Variants in NCOR2 observed in about 807,000 individuals in gnomAD.
The protein encoded by NCOR2 is CTG repeat protein 26.
Under a neutral mutation model 262.9 loss-of-function variants are expected in NCOR2, and 81 were observed. That is an observed-to-expected ratio of 0.31 (90% CI 0.26 to 0.37). The LOEUF is 0.37. NCOR2 is among the 10% of genes least tolerant of loss of function. NCOR2 has a pLI of 1.00. For synonymous variants in NCOR2, 1,659 were observed against 1,559.3 expected (o/e 1.06, Z -1.51); for missense variants, 3,385 against 3,621.4 (o/e 0.93, Z 1.68).
intron 40 of NCOR2, 38 bp from the exon 43 acceptor site, chr12:124,334,655 T>C: frequency 1.0e-6 from 1 of 994,518 alleles, no homozygotes; most frequent in Non-Finnish European, 1.3e-6. Context: ...CAGGCAGCAC[T>C]CTCCTGACAG....
At chr12:124,497,982 G>A (rs945500520), upstream of NCOR2, among the ~76,000 whole-genome samples, 2 of 152,110 alleles carry the variant, frequency 1.3e-5, no homozygotes, top group Admixed American at 6.5e-5. The surrounding 1 kb of genome is among the most constrained non-coding windows in gnomAD (Gnocchi z 4.2). Context: ...GCTAGAGCTC[G>A]GCTCAAAGTC....
chr12:124,433,458 T>C (rs2044099542), intron 8 of NCOR2, among the ~76,000 whole-genome samples: 1 of 152,122 alleles, frequency 6.6e-6, no homozygotes, highest in Admixed American at 6.5e-5. Flanking sequence ...CCTCAGCCTG[T>C]CCACATTGCC....
intron 41 of NCOR2, among the ~76,000 whole-genome samples, chr12:124,333,899 C>CATGTGTGCGGGTGTGCGTGTGTGT (rs1292064497): frequency 1.1e-5 from 1 of 90,720 alleles, no homozygotes; most frequent in Non-Finnish European, 2.5e-5. Context: ...TGTGTGTGCG[C>CATGTGTGCGGGTGTGCGTGTGTGT]GCGCATGTGT....
intron 7 of NCOR2, among the ~76,000 whole-genome samples, chr12:124,441,616 C>G (rs1206794699): frequency 6.6e-6 from 1 of 152,232 alleles, no homozygotes; most frequent in African/African-American, 2.4e-5. Context: ...GAAATTTGCA[C>G]AGTCTCAAAG....
At chr12:124,408,898 C>T (rs899874819) in intron 13 of NCOR2, among the ~76,000 whole-genome samples, 1 of 152,176 alleles carries the variant, frequency 6.6e-6, no homozygotes, top group Non-Finnish European at 1.5e-5. Context: ...AGGGTGAGAA[C>T]AGGATAAGAC....
intron 21 of NCOR2, 35 bp downstream of exon 23, chr12:124,363,644 G>A (rs200800757): frequency 7.8e-5 from 104 of 1,338,952 alleles, no homozygotes; most frequent in Admixed American, 5.1e-4. Context: ...CAAGGTCAGG[G>A]TGGACTCTGT....
At chr12:124,372,403 G>A in exon 20 of NCOR2, 1 of 1,497,892 alleles carries the variant, frequency 6.7e-7, no homozygotes, top group East Asian at 2.3e-5. Flanking sequence ...GGGTGCTGGT[G>A]GGGGCGTAGG....
chr12:124,338,378 C>G (rs1191450961), intron 37 of NCOR2, among the ~76,000 whole-genome samples: 6 of 151,954 alleles, frequency 3.9e-5, no homozygotes, highest in Admixed American at 1.3e-4. Context: ...TGTGGTTGCA[C>G]GTGCCTGTAA....
chr12:124,460,184 A>G (rs559625005), intron 5 of NCOR2, among the ~76,000 whole-genome samples: 1 of 152,290 alleles, frequency 6.6e-6, no homozygotes, highest in African/African-American at 2.4e-5. Context: ...CTCCATGAGG[A>G]GCAAGGTGCC....
At position 124,486,422 on chromosome 12, in the gene NCOR2, G is replaced by A; in HGVS notation, c.233+19C>T. On this transcript the variant is annotated intron_variant, in intron 2 of 46. Transcript: ENST00000405201. ...GAGCTCTCACGCCCTGGACAGGGAGGCAGCAACTCTCTCCTCACCGTTCAT... is the reference window on the plus strand; with the variant it reads ...GAGCTCTCACGCCCTGGACAGGGAGACAGCAACTCTCTCCTCACCGTTCAT... 1 of 1,611,818 alleles carries A rather than the reference G, an allele frequency of 6.2e-7. No individual in the cohort carries two copies. Among genetic ancestry groups the A allele is most frequent in the Non-Finnish European group, 8.5e-7 (1 of 1,179,338 alleles).
At chr12:124,373,617 G>C (rs2950603) in intron 19 of NCOR2, among the ~76,000 whole-genome samples, 1 of 84,758 alleles carries the variant, frequency 1.2e-5, no homozygotes. Flanking sequence ...GGCACAGTGG[G>C]CAGTGAGGCC....
chr12:124,524,465 C>T (rs936844235), intron 1 of NCOR2, among the ~76,000 whole-genome samples: 1 of 152,222 alleles, frequency 6.6e-6, no homozygotes. Context: ...TGCCAGGTGA[C>T]TCTCCTTCTC....
chr12:124,391,088 G>A (rs1201636457), intron 16 of NCOR2, among the ~76,000 whole-genome samples: 4 of 152,244 alleles, frequency 2.6e-5, no homozygotes, highest in East Asian at 1.9e-4. Context: ...CGGCTCAGGT[G>A]CTCTGGCCCT....
chr12:124,531,390 G>C lies in NCOR2; in HGVS notation c.-118+4175C>G, dbSNP rs965326098. Among the ~76,000 whole-genome samples the C allele has an allele frequency of 6.6e-6, 1 of 152,288 alleles. No individual in the cohort carries two copies. Among genetic ancestry groups the C allele is most frequent in the Admixed American group, 6.5e-5 (1 of 15,306 alleles). On this transcript the variant is annotated intron_variant, in intron 1 of 46. Transcript: ENST00000404621. This position sits in a 1 kb window ranked among gnomAD's most constrained non-coding sequence, Gnocchi z 4.5. Reference sequence around the variant, plus strand: ...CATCCCCCGGGCCCGATTAGCGGGCGGCCGCAGGCAGACACGCTCAACTGT... The same window carrying C: ...CATCCCCCGGGCCCGATTAGCGGGCCGCCGCAGGCAGACACGCTCAACTGT...
intron 5 of NCOR2, among the ~76,000 whole-genome samples, chr12:124,463,998 G>C (rs2046310029): frequency 6.6e-6 from 1 of 152,220 alleles, no homozygotes; most frequent in African/African-American, 2.4e-5. Context: ...GGAAATAAAA[G>C]TGGGCAGGAA....
At chr12:124,415,350 G>A (rs2136266832) in intron 13 of NCOR2, among the ~76,000 whole-genome samples, 1 of 152,382 alleles carries the variant, frequency 6.6e-6, no homozygotes, top group African/African-American at 2.4e-5. Context: ...CACAGACAGA[G>A]ACGCTCAGCT....
intron 20 of NCOR2, among the ~76,000 whole-genome samples, chr12:124,366,316 C>T (rs912964226): frequency 2.6e-5 from 4 of 152,164 alleles, no homozygotes; most frequent in African/African-American, 9.7e-5. Flanking sequence ...AGACACGATG[C>T]GCGTGAAACA....
At chr12:124,352,309 A>G (rs1393541508) in intron 27 of NCOR2, among the ~76,000 whole-genome samples, 1 of 152,176 alleles carries the variant, frequency 6.6e-6, no homozygotes, top group Non-Finnish European at 1.5e-5. Context: ...TGCAGAAATC[A>G]GTGGCTTACT....
chr12:124,368,177 G>C (rs2039192104), intron 20 of NCOR2, among the ~76,000 whole-genome samples: 1 of 152,244 alleles, frequency 6.6e-6, no homozygotes, highest in East Asian at 1.9e-4. Context: ...GTCCGTGGGT[G>C]GGCGTGGGGA....
Sources: allele counts gnomAD v4.1 joint callset (sites outside exome capture counted in the v4.1 genomes callset), GRCh38; gene constraint gnomAD v4.1.1; non-coding constraint Gnocchi (gnomAD v3.1); transcripts MANE v1.5; gene names NCBI Gene and HGNC (gene_info 2026-07-23, HGNC 2026-07-21).